The following SMR3B variants were observed in gnomAD, a reference collection of about 807,000 sequenced individuals.
The protein encoded by SMR3B is submaxillary gland androgen-regulated protein 3B.
For synonymous variants in SMR3B, 42 were observed against 36.1 expected, an observed-to-expected ratio of 1.16 and a Z score of -0.59; for missense variants, 114 against 99.9, an observed-to-expected ratio of 1.14 and a Z score of -0.60.
intron 2 of SMR3B, 42 bp downstream of exon 2, chr4:70,384,606 C>T (rs1732624995): frequency 1.9e-6 from 3 of 1,540,008 alleles, no homozygotes; most frequent in African/African-American, 1.4e-5. Flanking sequence ...TATAGTTTCT[C>T]ATTAACCATT....
Position 70,389,830 on chromosome 4 carries a change from A to G in SMR3B, c.222A>G (p.Pro74=), listed in dbSNP as rs1653475061. The change falls in exon 3 of 3, where the codon CCA becomes CCG. Residue 74 remains proline (P), a synonymous_variant. Coordinates refer to ENST00000304915, the MANE Select transcript of SMR3B (RefSeq NM_006685.4). ...CCTATGGTCCAGGGATATTTCCACC[A>G]CCCCCTCCTCAACCCTAAGGTCCAC... The part of the protein sequence containing the change: ...PAPYGPGIFP[P]PPPQP 2 of 1,611,816 alleles carry G rather than the reference A, an allele frequency of 1.2e-6. No homozygotes were observed. The highest frequency in any genetic ancestry group is 8.5e-7 in the Non-Finnish European group (1 of 1,179,306).
At chr4:70,384,695 T>C in intron 2 of SMR3B, 131 bp downstream of exon 2, 3 of 1,503,594 alleles carry the variant, frequency 2.0e-6, no homozygotes, top group Non-Finnish European at 2.7e-6. Flanking sequence ...GAAACACTGT[T>C]TAGGGCTTAA....
At chr4:70,386,167 A>G (rs1732661820) in intron 2 of SMR3B, among the ~76,000 whole-genome samples, 2 of 151,374 alleles carry the variant, frequency 1.3e-5, no homozygotes. Flanking sequence ...CAGCTACTCC[A>G]GAGGCTGAGG....
At position 70,389,831 on chromosome 4, in the gene SMR3B, C is replaced by A; in HGVS notation, c.223C>A (p.Pro75Thr). The A allele has an allele frequency of 6.2e-7, 1 of 1,613,816 alleles. No individual in the cohort carries two copies. The highest frequency in any genetic ancestry group is 8.5e-7 in the Non-Finnish European group (1 of 1,179,866). ...APYGPGIFPPPPPQP is the reference protein window; with the variant it reads ...APYGPGIFPPTPPQP ...CTATGGTCCAGGGATATTTCCACCA[C>A]CCCCTCCTCAACCCTAAGGTCCACC... is the stretch of plus-strand genomic sequence containing the variant. Residue 75 changes from proline to threonine, a missense_variant, in exon 3 of 3, where the codon CCC (proline) becomes ACC (threonine). Pro to Thr is a conservative substitution (Grantham distance 38). Transcript: ENST00000304915.
Position 70,389,996 on chromosome 4 carries a change from G to A in SMR3B, c.*148G>A, listed in dbSNP as rs1560529346. On this transcript the variant is annotated 3_prime_UTR_variant, in exon 3 of 3. Coordinates refer to ENST00000304915, the MANE Select transcript of SMR3B (RefSeq NM_006685.4). ...TGCACCCCAAATATGAACAACTGCA[G>A]CAGGTGCCACCACCACCACAAAAGA... 1 of 1,489,154 alleles carries A rather than the reference G, an allele frequency of 6.7e-7. No individual in the cohort carries two copies. The highest frequency in any genetic ancestry group is 9.4e-7 in the Non-Finnish European group (1 of 1,067,476). 92.2% of individuals were successfully genotyped at this position (1,489,154 alleles called of 1,614,324 possible).
At position 70,389,890 on chromosome 4, in the gene SMR3B, T is replaced by A. The variant is rs201423644; in HGVS notation, c.*42T>A. 1.2e-6 allele frequency: 2 copies of A among 1,610,786 alleles called. No homozygotes were observed. Among genetic ancestry groups the A allele is most frequent in the East Asian group, 2.2e-5 (1 of 44,828 alleles). On this transcript the variant is annotated 3_prime_UTR_variant, in exon 3 of 3. Transcript: ENST00000304915. ...CTGATGCCCCAGGTTATCCACAGCC[T>A]CCTTCCCGACCAAGACCCTATCCAC...
At chr4:70,386,425 C>CGT (rs1202230224) in intron 2 of SMR3B, among the ~76,000 whole-genome samples, 6 of 148,274 alleles carry the variant, frequency 4.0e-5, no homozygotes, top group Admixed American at 1.3e-4. Flanking sequence ...ATGTCCTTTA[C>CGT]GTGTGTGTGT....
In SMR3B at chr4:70,390,148, C is replaced by G. The variant is rs1305925233; in HGVS notation, c.*300C>G. On this transcript the variant is annotated 3_prime_UTR_variant, in exon 3 of 3. Transcript: ENST00000304915. ...AATGAAAAATTCCAAAAGTGCTGAG[C>G]TTTGGGGAGAAATAATCTTAGAAAG... 5 of 670,286 alleles carry G rather than the reference C, an allele frequency of 7.5e-6. No individual in the cohort carries two copies. Among genetic ancestry groups the G allele is most frequent in the Admixed American group, 2.4e-5 (1 of 42,472 alleles). 41.5% of individuals were successfully genotyped at this position (670,286 alleles called of 1,614,324 possible). A position where few individuals can be genotyped will look rare whatever the true frequency, so the allele number is the denominator to read the frequency against.
At chr4:70,388,226 T>C (rs1015050581) in intron 2 of SMR3B, among the ~76,000 whole-genome samples, 2 of 152,154 alleles carry the variant, frequency 1.3e-5, no homozygotes, top group African/African-American at 4.8e-5. Context: ...CCAGAACTGA[T>C]CGCTTTAACT....
chr4:70,383,743 G>A (rs1168156061), intron 1 of SMR3B, among the ~76,000 whole-genome samples: 1 of 152,106 alleles, frequency 6.6e-6, no homozygotes, highest in Non-Finnish European at 1.5e-5. Flanking sequence ...GTGCAGAGTT[G>A]ACTAACAGGA....
At position 70,389,778 on chromosome 4, in the gene SMR3B, G is replaced by C; in HGVS notation, c.170G>C (p.Gly57Ala). The change falls in exon 3 of 3, where the codon GGG becomes GCG. Residue 57 changes from glycine to alanine, a missense_variant. Coordinates refer to ENST00000304915, the MANE Select transcript of SMR3B (RefSeq NM_006685.4). ...PPPPPPPYGP[G>A]RIPPPPPAPY... ...CCTCCTCCTCCACCCTATGGTCCAG[G>C]GAGAATCCCACCTCCTCCTCCCGCA... 6.2e-7 allele frequency: 1 copy of C among 1,613,604 alleles called. No individual in the cohort carries two copies. The highest frequency in any genetic ancestry group is 8.5e-7 in the Non-Finnish European group (1 of 1,179,918).
At chr4:70,384,250 G>A (rs1010064750) in intron 1 of SMR3B, among the ~76,000 whole-genome samples, 2 of 151,994 alleles carry the variant, frequency 1.3e-5, no homozygotes, top group East Asian at 3.9e-4. Context: ...ACAACTCTTT[G>A]GCATTATCCC....
intron 2 of SMR3B, 191 bp downstream of exon 2, chr4:70,384,755 C>A: frequency 8.6e-7 from 1 of 1,164,250 alleles, no homozygotes; most frequent in Non-Finnish European, 1.2e-6. Flanking sequence ...TGATGGCTGC[C>A]ATACTGGACA....
chr4:70,389,784 T>C lies in SMR3B; in HGVS notation c.176T>C (p.Ile59Thr), dbSNP rs781542816. The change falls in exon 3 of 3, where the codon ATC becomes ACC. Residue 59 changes from isoleucine to threonine, a missense_variant. Transcript: ENST00000304915. Reference sequence around the variant, plus strand: ...CCTCCACCCTATGGTCCAGGGAGAATCCCACCTCCTCCTCCCGCACCCTAT... The same window carrying C: ...CCTCCACCCTATGGTCCAGGGAGAACCCCACCTCCTCCTCCCGCACCCTAT... ...PPPPPYGPGR[I>T]PPPPPAPYGP... 6 of 1,613,654 alleles carry C rather than the reference T, an allele frequency of 3.7e-6. No homozygotes were observed. The highest frequency in any genetic ancestry group is 5.1e-6 in the Non-Finnish European group (6 of 1,179,928).
chr4:70,384,425 T>G (rs973509946), intron 1 of SMR3B, 72 bp from the exon 2 acceptor site: 2 of 1,594,672 alleles, frequency 1.3e-6, no homozygotes, highest in Non-Finnish European at 1.7e-6. Context: ...TATATCCAAG[T>G]GTTGAGACAT....
At position 70,384,504 on chromosome 4, in the gene SMR3B, T is replaced by C. The variant is rs1732620837; in HGVS notation, c.-7T>C. The C allele has an allele frequency of 1.2e-6, 2 of 1,605,662 alleles. No homozygotes were observed. The highest frequency in any genetic ancestry group is 1.7e-6 in the Non-Finnish European group (2 of 1,176,490). ...TATTGTGCTTACTTTCAGAGGCAAC[T>C]GAAAGGATGAAATCACTGACTTGGA... On this transcript the variant is annotated 5_prime_UTR_variant, in exon 2 of 3. Transcript: ENST00000304915.
intron 2 of SMR3B, among the ~76,000 whole-genome samples, chr4:70,386,590 G>A (rs55997041): frequency 0.031 from 4,756 of 152,194 alleles, 216 homozygotes; most frequent in African/African-American, 0.1. Flanking sequence ...AGTCCTTCGA[G>A]AGCGTAGTGT....
rs377570999 is a variant in SMR3B, at chr4:70,384,420, C to G, written c.-14-77C>G. On this transcript the variant is annotated intron_variant, in intron 1 of 2. Coordinates refer to ENST00000304915, the MANE Select transcript of SMR3B (RefSeq NM_006685.4). Reference sequence around the variant, plus strand: ...GTAGGATATTTGTATTACATTATATCCAAGTGTTGAGACATTTTAAATAGT... The same window carrying G: ...GTAGGATATTTGTATTACATTATATGCAAGTGTTGAGACATTTTAAATAGT... 1.1e-5 allele frequency: 17 copies of G among 1,593,714 alleles called. No homozygotes were observed. The South Asian group carries it at 1.1e-4, about 11-fold the overall frequency.
chr4:70,388,273 AT>A (rs33968422), intron 2 of SMR3B, among the ~76,000 whole-genome samples: 31 of 150,658 alleles, frequency 2.1e-4, no homozygotes, highest in Non-Finnish European at 3.7e-4. Context: ...CTTTTCAGCT[AT>A]TTTTTTTTTA....
Sources: allele counts gnomAD v4.1 joint callset (sites outside exome capture counted in the v4.1 genomes callset), GRCh38; gene constraint gnomAD v4.1.1; transcripts MANE v1.5; gene names NCBI Gene and HGNC (gene_info 2026-07-23, HGNC 2026-07-21).